The following NRP1 variants were observed in gnomAD, a reference collection of about 807,000 sequenced individuals.
NRP1 encodes the protein neuropilin-1.
A neutral mutation model predicts 106.7 loss-of-function variants in NRP1; 35 were observed. The ratio of observed to expected loss-of-function variants is 0.33; its 90% CI spans 0.25 to 0.43. The LOEUF (loss-of-function observed/expected upper bound fraction) is 0.43. Among genes scored for constraint, NRP1 ranks in the 20% least tolerant of loss-of-function variants. The pLI is 1.00. For synonymous variants in NRP1, 437 were observed against 417.9 expected (o/e 1.05, Z -0.56); for missense variants, 1,024 against 1,170.4 (o/e 0.87, Z 1.83).
intron 2 of NRP1, among the ~76,000 whole-genome samples, chr10:33,276,906 C>T (rs1448907112): frequency 1.3e-5 from 2 of 152,006 alleles, no homozygotes; most frequent in African/African-American, 4.8e-5. Context: ...CCAGCTTGGA[C>T]CACAAAGCAA....
intron 6 of NRP1, among the ~76,000 whole-genome samples, chr10:33,228,840 A>G (rs796294475): frequency 6.5e-4 from 99 of 152,356 alleles, no homozygotes; most frequent in African/African-American, 2.1e-3. Flanking sequence ...ATAGAATTTA[A>G]TATTTTAGAA....
intron 11 of NRP1, chr10:33,202,464 C>T: frequency 1.4e-6 from 1 of 708,414 alleles, no homozygotes; most frequent in Non-Finnish European, 2.1e-6. Flanking sequence ...TAACTTTATC[C>T]ATTTGTTGGA....
chr10:33,187,279 G>A (rs753293464), intron 13 of NRP1, among the ~76,000 whole-genome samples: 27 of 152,326 alleles, frequency 1.8e-4, no homozygotes, highest in Non-Finnish European at 3.5e-4. Context: ...CATTTGAGCA[G>A]CAGGACTTCT....
intron 2 of NRP1, among the ~76,000 whole-genome samples, chr10:33,305,679 G>C (rs1434202286): frequency 6.6e-6 from 1 of 151,370 alleles, no homozygotes; most frequent in Non-Finnish European, 1.5e-5. Context: ...AATTCTATAG[G>C]TTTAAAAAAT....
chr10:33,235,281 C>A (rs1290742990), intron 6 of NRP1, among the ~76,000 whole-genome samples: 1 of 152,224 alleles, frequency 6.6e-6, no homozygotes, highest in Non-Finnish European at 1.5e-5. Flanking sequence ...GGTTAACACT[C>A]CAGCATTTCA....
intron 7 of NRP1, among the ~76,000 whole-genome samples, chr10:33,222,131 C>T (rs541766079): frequency 1.2e-4 from 19 of 152,184 alleles, no homozygotes; most frequent in Admixed American, 1.1e-3. Flanking sequence ...GATTAAAGAA[C>T]GCATGCTATT....
At chr10:33,281,497 A>T (rs1382611057) in intron 2 of NRP1, among the ~76,000 whole-genome samples, 2 of 152,292 alleles carry the variant, frequency 1.3e-5, no homozygotes, top group African/African-American at 4.8e-5. Flanking sequence ...CGGCTCCTCC[A>T]TTAAGAAGGA....
intron 2 of NRP1, among the ~76,000 whole-genome samples, chr10:33,305,291 T>A (rs758145454): frequency 6.6e-6 from 1 of 152,134 alleles, no homozygotes; most frequent in African/African-American, 2.4e-5. Flanking sequence ...CCTAGGAAAA[T>A]AATAATTGAT....
chr10:33,266,422 G>A (rs1000064905), intron 3 of NRP1, among the ~76,000 whole-genome samples: 7 of 152,258 alleles, frequency 4.6e-5, no homozygotes, highest in South Asian at 4.1e-4. Context: ...CAAATTCTGC[G>A]CATGACAAAT....
At chr10:33,208,369 T>C (rs992872399) in intron 9 of NRP1, among the ~76,000 whole-genome samples, 2 of 152,206 alleles carry the variant, frequency 1.3e-5, no homozygotes, top group Admixed American at 6.5e-5. Flanking sequence ...GGCACCTCTT[T>C]TGAAGTGTGT....
intron 2 of NRP1, among the ~76,000 whole-genome samples, chr10:33,313,315 A>T (rs1453493616): frequency 6.6e-6 from 1 of 152,162 alleles, no homozygotes; most frequent in African/African-American, 2.4e-5. Context: ...CTGGGCTGGA[A>T]CAGCAGCTTG....
At chr10:33,273,725 A>G (rs1354681273) in intron 2 of NRP1, among the ~76,000 whole-genome samples, 1 of 152,168 alleles carries the variant, frequency 6.6e-6, no homozygotes, top group Non-Finnish European at 1.5e-5. Flanking sequence ...GCTGGGAATT[A>G]CGTCTGAGGA....
chr10:33,215,224 T>C (rs1438463886), intron 8 of NRP1, among the ~76,000 whole-genome samples: 1 of 152,202 alleles, frequency 6.6e-6, no homozygotes, highest in Non-Finnish European at 1.5e-5. Flanking sequence ...ATCCTCATCA[T>C]TGCCTTTGCT....
chr10:33,226,441 C>A lies in NRP1; in HGVS notation c.982-152G>T, dbSNP rs145840306. The stretch of plus-strand genomic sequence containing the variant: ...GGTGTCCACAGTCCCTGACTCCTCC[C>A]TTCCATTCCTTCTTAAAAAAAGGCA... On this transcript the variant is annotated intron_variant, in intron 6 of 16. Coordinates refer to ENST00000374867, the MANE Select transcript of NRP1 (RefSeq NM_003873.7). 8 of 701,088 alleles carry A rather than the reference C, an allele frequency of 1.1e-5. No individual in the cohort carries two copies. The East Asian group carries it at 2.2e-4, about 19-fold the overall frequency. The allele number at this position is 701,088 out of a possible 1,614,324, so 43.4% of individuals were successfully genotyped here. A position where few individuals can be genotyped will look rare whatever the true frequency, so the allele number is the denominator to read the frequency against.
In NRP1 at chr10:33,213,441, C is replaced by G; in HGVS notation, c.1559G>C (p.Ser520Thr). 1 of 1,614,060 alleles carries G rather than the reference C, an allele frequency of 6.2e-7. No individual in the cohort carries two copies. The highest frequency in any genetic ancestry group is 8.5e-7 in the Non-Finnish European group (1 of 1,180,022). Residue 520 changes from serine (S) to threonine (T), a missense_variant, in exon 9 of 17, where the codon AGC (serine) becomes ACC (threonine). Coordinates refer to ENST00000374867, the MANE Select transcript of NRP1 (RefSeq NM_003873.7). The part of the protein sequence containing the change: ...VFMRKFKIGY[S>T]NNGSDWKMIM... ...CATCTTCCAGTCCGAGCCGTTGTTGCTGTACCCGATCTTGAACTTCCTCAT... is the reference window on the plus strand; with the variant it reads ...CATCTTCCAGTCCGAGCCGTTGTTGGTGTACCCGATCTTGAACTTCCTCAT...
chr10:33,287,829 G>A (rs1844690358), intron 2 of NRP1, among the ~76,000 whole-genome samples: 1 of 152,150 alleles, frequency 6.6e-6, no homozygotes, highest in African/African-American at 2.4e-5. Context: ...CATGGGTGCT[G>A]TGGAGAAGGT....
Position 33,186,294 on chromosome 10 carries a change from A to G in NRP1, c.2257T>C (p.Trp753Arg). 6.2e-7 allele frequency: 1 copy of G among 1,614,118 alleles called. No homozygotes were observed. The highest frequency in any genetic ancestry group is 8.5e-7 in the Non-Finnish European group (1 of 1,180,012). Reference sequence around the variant, plus strand: ...TCACCTTGGTGTCCAATGGCCATCCAGACCAGCTGATCGTACTCCTCTGGC... The same window carrying G: ...TCACCTTGGTGTCCAATGGCCATCCGGACCAGCTGATCGTACTCCTCTGGC... The part of the protein sequence containing the change: ...QKPEEYDQLV[W>R]MAIGHQGDHW... Residue 753 changes from tryptophan to arginine, a missense_variant, in exon 14 of 17, where the codon TGG becomes CGG. Trp to Arg is a moderately radical substitution (Grantham distance 101). Around this residue, in one of 5 missense-constraint regions of NRP1, gnomAD observed 562 missense variants for 620.3 expected, o/e 0.91. Coordinates refer to ENST00000374867, the MANE Select transcript of NRP1 (RefSeq NM_003873.7).
At chr10:33,313,312 G>C (rs1293758325) in intron 2 of NRP1, among the ~76,000 whole-genome samples, 1 of 152,160 alleles carries the variant, frequency 6.6e-6, no homozygotes, top group Non-Finnish European at 1.5e-5. Flanking sequence ...GGGCTGGGCT[G>C]GAACAGCAGC....
chr10:33,295,863 A>T (rs890927159), intron 2 of NRP1, among the ~76,000 whole-genome samples: 1 of 152,256 alleles, frequency 6.6e-6, no homozygotes, highest in African/African-American at 2.4e-5. Context: ...GCTGCCTATT[A>T]TGCTAAAACT....
Sources: allele counts gnomAD v4.1 joint callset (sites outside exome capture counted in the v4.1 genomes callset), GRCh38; gene constraint gnomAD v4.1.1; regional missense constraint gnomAD v4.1.1; transcripts MANE v1.5; gene names NCBI Gene and HGNC (gene_info 2026-07-23, HGNC 2026-07-21).